Variants in DNM3 observed in about 807,000 individuals in gnomAD.
The protein encoded by DNM3 is dynamin-3.
A neutral mutation model predicts 101.6 loss-of-function variants in DNM3; 47 were observed. That is an observed-to-expected ratio of 0.46 (90% CI 0.37 to 0.59). The LOEUF is 0.59. Ranked by LOEUF, DNM3 falls within the 20% of genes least tolerant of loss-of-function variation. The probability of loss-of-function intolerance (pLI) is 0.00; values close to 1 mark genes in which losing one functional copy is unlikely to be tolerated. For synonymous variants in DNM3, 385 were observed against 387.9 expected, an observed-to-expected ratio of 0.99 and a Z score of 0.09; for missense variants, 849 against 1,085.7, an observed-to-expected ratio of 0.78 and a Z score of 3.06.
chr1:172,203,706 A>G (rs2060229771), intron 14 of DNM3, among the ~76,000 whole-genome samples: 1 of 152,184 alleles, frequency 6.6e-6, no homozygotes, highest in Non-Finnish European at 1.5e-5. Flanking sequence ...TATGTGTTAA[A>G]ATAATGTTTA....
intron 1 of DNM3, among the ~76,000 whole-genome samples, chr1:171,913,914 G>A (rs185669650): frequency 3.3e-4 from 50 of 151,836 alleles, no homozygotes; most frequent in African/African-American, 1.2e-3. Flanking sequence ...TCAGGCTCCC[G>A]AGTAGCTGGG....
chr1:171,858,941 C>T (rs1404259542), intron 1 of DNM3, among the ~76,000 whole-genome samples: 1 of 152,140 alleles, frequency 6.6e-6, no homozygotes, highest in Non-Finnish European at 1.5e-5. Context: ...TAACAATAGA[C>T]TCATAATACT....
chr1:171,979,730 C>T (rs1370178112), intron 2 of DNM3, among the ~76,000 whole-genome samples: 1 of 152,184 alleles, frequency 6.6e-6, no homozygotes, highest in Non-Finnish European at 1.5e-5. Context: ...CTTATCCAGG[C>T]TTTAGAAGCA....
chr1:172,095,725 T>G (rs766915582), intron 13 of DNM3, among the ~76,000 whole-genome samples: 4 of 152,176 alleles, frequency 2.6e-5, no homozygotes, highest in Non-Finnish European at 4.4e-5. Context: ...AAGATTGTTG[T>G]GCAGCATCTG....
intron 1 of DNM3, among the ~76,000 whole-genome samples, chr1:171,917,031 G>C (rs1328158890): frequency 5.3e-5 from 8 of 152,174 alleles, no homozygotes; most frequent in Admixed American, 5.2e-4. Context: ...ACCTTGGGTG[G>C]AGCTTAAGCA....
chr1:172,354,112 T>TGAGAGAGAGAGAGAGAGAGAGAGAGAGA (rs71563205), intron 17 of DNM3, among the ~76,000 whole-genome samples: 3 of 94,962 alleles, frequency 3.2e-5, no homozygotes, highest in South Asian at 4.3e-4. Flanking sequence ...TGTGTGTGTG[T>TGAGAGAGAGAGAGAGAGAGAGAGAGAGA]GAGAGAGAGA....
At chr1:171,933,266 G>A (rs2041168562) in intron 2 of DNM3, among the ~76,000 whole-genome samples, 1 of 152,224 alleles carries the variant, frequency 6.6e-6, no homozygotes, top group African/African-American at 2.4e-5. Flanking sequence ...ATGGGGGAAA[G>A]AAGCGATCTG....
intron 11 of DNM3, among the ~76,000 whole-genome samples, chr1:172,078,513 G>A (rs1056332944): frequency 1.2e-4 from 18 of 149,912 alleles, no homozygotes; most frequent in Middle Eastern, 3.2e-3. Context: ...GCCTATGTGT[G>A]TCTTTGCATA....
intron 14 of DNM3, among the ~76,000 whole-genome samples, chr1:172,249,983 T>G (rs555605727): frequency 6.6e-6 from 1 of 152,300 alleles, no homozygotes; most frequent in South Asian, 2.1e-4. Flanking sequence ...TAAGCTTATA[T>G]AAACTGCTTA....
intron 17 of DNM3, chr1:172,338,915 G>A: frequency 7.1e-6 from 3 of 420,498 alleles, no homozygotes; most frequent in Non-Finnish European, 1.4e-5. Flanking sequence ...TTGTGCAGGT[G>A]TATAGTTTTA....
chr1:171,859,294 T>C (rs74126507), intron 1 of DNM3, among the ~76,000 whole-genome samples: 17,817 of 152,148 alleles, frequency 0.12, 1,237 homozygotes, highest in South Asian at 0.23. Context: ...GCCTCCCACT[T>C]CCTCATGTCT....
At chr1:172,283,830 A>G (rs993630121) in intron 15 of DNM3, among the ~76,000 whole-genome samples, 1 of 151,278 alleles carries the variant, frequency 6.6e-6, no homozygotes, top group Non-Finnish European at 1.5e-5. Context: ...ATTGAGATGT[A>G]AGAGGGTTAT....
intron 15 of DNM3, among the ~76,000 whole-genome samples, chr1:172,305,538 C>T (rs932371126): frequency 6.6e-6 from 1 of 152,122 alleles, no homozygotes; most frequent in African/African-American, 2.4e-5. Flanking sequence ...TTCATGAGTC[C>T]AGCATCATCC....
At chr1:172,246,798 A>G (rs922658945) in intron 14 of DNM3, among the ~76,000 whole-genome samples, 34 of 152,126 alleles carry the variant, frequency 2.2e-4, no homozygotes, top group African/African-American at 7.2e-4. Context: ...TCAGAGCATG[A>G]AGGGCTTGGA....
Position 172,340,921 on chromosome 1 carries a change from T to G in DNM3, c.1893+17581T>G, listed in dbSNP as rs539624952. 1.9e-3 allele frequency among the ~76,000 whole-genome samples: 295 copies of G among 152,336 alleles called. 1 individual carries two copies. Among genetic ancestry groups the G allele is most frequent in the African/African-American group, 6.5e-3 (272 of 41,574 alleles). Reference sequence around the variant, plus strand: ...GCTTCCAGCTTTTGTCCATTCAGTATGTTGTTGACTGTGGGTTGGTCAGAG... The same window carrying G: ...GCTTCCAGCTTTTGTCCATTCAGTAGGTTGTTGACTGTGGGTTGGTCAGAG... On this transcript the variant is annotated intron_variant, in intron 17 of 20. Coordinates refer to ENST00000627582, the MANE Select transcript of DNM3 (RefSeq NM_015569.5).
chr1:172,194,562 T>C (rs1270714465), intron 14 of DNM3, among the ~76,000 whole-genome samples: 1 of 152,192 alleles, frequency 6.6e-6, no homozygotes, highest in Non-Finnish European at 1.5e-5. Context: ...GGTGCATATA[T>C]ATTTAGGATA....
At chr1:171,985,328 G>A (rs1009330874) in intron 2 of DNM3, among the ~76,000 whole-genome samples, 1 of 151,532 alleles carries the variant, frequency 6.6e-6, no homozygotes, top group Non-Finnish European at 1.5e-5. Flanking sequence ...TTTGTTTTTC[G>A]TATTGTTTTG....
At chr1:172,088,789 G>T (rs2053709653) in intron 12 of DNM3, among the ~76,000 whole-genome samples, 1 of 152,178 alleles carries the variant, frequency 6.6e-6, no homozygotes, top group Non-Finnish European at 1.5e-5. Flanking sequence ...AACATTCAGA[G>T]AAATTACAAT....
chr1:171,862,974 T>A (rs2034333823), intron 1 of DNM3, among the ~76,000 whole-genome samples: 1 of 150,044 alleles, frequency 6.7e-6, no homozygotes, highest in South Asian at 2.1e-4. Flanking sequence ...GAGAGGTGAA[T>A]AAATGGGGAC....
Sources: allele counts gnomAD v4.1 joint callset (sites outside exome capture counted in the v4.1 genomes callset), GRCh38; gene constraint gnomAD v4.1.1; transcripts MANE v1.5; gene names NCBI Gene and HGNC (gene_info 2026-07-23, HGNC 2026-07-21).